RIMS2: variants seen among roughly 807,000 people sequenced by gnomAD.
RIMS2 encodes regulating synaptic membrane exocytosis 2.
RIMS2 carries 59 observed loss-of-function variants against 174.4 expected under a neutral mutation model. The ratio of observed to expected loss-of-function variants is 0.34; its 90% CI spans 0.27 to 0.42. The LOEUF is 0.42. RIMS2 is among the 10% of genes least tolerant of loss of function. The pLI is 1.00. For synonymous variants in RIMS2, 606 were observed against 572.5 expected, an observed-to-expected ratio of 1.06 and a Z score of -0.84; for missense variants, 1,620 against 1,666.3, an observed-to-expected ratio of 0.97 and a Z score of 0.48.
chr8:103,876,140 G>T lies in RIMS2; in HGVS notation c.699-9158G>T, dbSNP rs1479105026. On this transcript the variant is annotated intron_variant, in intron 3 of 23. Coordinates refer to ENST00000504942, the Ensembl canonical transcript of RIMS2. ...AGTCTTATTTATTTTTGCTTCTGTTGCCTTTGCTTTTGGGATAATAGTCAT... is the reference window on the plus strand; with the variant it reads ...AGTCTTATTTATTTTTGCTTCTGTTTCCTTTGCTTTTGGGATAATAGTCAT... Among the ~76,000 whole-genome samples, 3 of 151,972 alleles carry T rather than the reference G, an allele frequency of 2.0e-5. No homozygotes were observed. The South Asian group carries it at 6.2e-4, about 32-fold the overall frequency.
intron 11 of RIMS2, among the ~76,000 whole-genome samples, chr8:103,928,594 T>C (rs2079236593): frequency 6.6e-6 from 1 of 151,330 alleles, no homozygotes; most frequent in African/African-American, 2.4e-5. Flanking sequence ...CTCTCCTTGC[T>C]TTGCTGCATG....
chr8:103,857,808 T>C (rs954494770), intron 3 of RIMS2, among the ~76,000 whole-genome samples: 1 of 152,236 alleles, frequency 6.6e-6, no homozygotes, highest in Non-Finnish European at 1.5e-5. Context: ...TTTATTCCTC[T>C]ACGCTACATT....
rs780920782 is a variant in RIMS2, at chr8:103,885,523, T to C, written c.924T>C (p.Ile308=). The C allele has an allele frequency of 3.1e-6, 5 of 1,612,058 alleles. No homozygotes were observed. The East Asian group carries it at 1.1e-4, about 36-fold the overall frequency. The change falls in exon 4 of 24, where the codon ATT becomes ATC. Residue 308 remains isoleucine (I), a synonymous_variant. Coordinates refer to ENST00000504942, the Ensembl canonical transcript of RIMS2. The stretch of plus-strand genomic sequence containing the variant: ...GTCATAGGCATTCCAAAGAATATAT[T>C]GTAGATGATGAGGATGTGGAAAGCA...
At chr8:104,156,870 T>C (rs2098727616) in intron 19 of RIMS2, among the ~76,000 whole-genome samples, 1 of 152,214 alleles carries the variant, frequency 6.6e-6, no homozygotes, top group African/African-American at 2.4e-5. Flanking sequence ...TGACTTGATG[T>C]ATGCCCTATT....
intron 19 of RIMS2, among the ~76,000 whole-genome samples, chr8:104,032,939 A>G (rs902822972): frequency 1.2e-4 from 18 of 152,112 alleles, no homozygotes; most frequent in Non-Finnish European, 1.9e-4. Context: ...ATGTCTGTGA[A>G]AATACATAAT....
At chr8:103,918,614 T>C (rs781769677) in intron 9 of RIMS2, 127 bp downstream of exon 12, 3 of 694,914 alleles carry the variant, frequency 4.3e-6, no homozygotes, top group Non-Finnish European at 7.6e-6. Context: ...TGTAAGCATA[T>C]AAAGATGGAA....
intron 2 of RIMS2, among the ~76,000 whole-genome samples, chr8:103,717,625 G>T (rs918678128): frequency 6.6e-6 from 1 of 152,150 alleles, no homozygotes; most frequent in Non-Finnish European, 1.5e-5. Context: ...TGAGGCACTT[G>T]ATGATAAAAC....
intron 1 of RIMS2, among the ~76,000 whole-genome samples, chr8:103,610,924 T>G (rs976538281): frequency 3.9e-5 from 6 of 152,220 alleles, no homozygotes; most frequent in African/African-American, 1.4e-4. Flanking sequence ...ATACATCTGG[T>G]AGAATTCAGG....
chr8:103,725,254 T>G (rs555590776), intron 2 of RIMS2, among the ~76,000 whole-genome samples: 3 of 152,262 alleles, frequency 2.0e-5, no homozygotes, highest in Admixed American at 1.3e-4. Context: ...TTGTACATAA[T>G]AAGATGCACA....
Position 104,198,729 on chromosome 8 carries a change from A to G in RIMS2, c.3335-46187A>G, listed in dbSNP as rs567698295. Among the ~76,000 whole-genome samples the G allele has an allele frequency of 4.6e-5, 7 of 152,326 alleles. No individual in the cohort carries two copies. In the East Asian group the frequency reaches 1.4e-3, roughly 29 times the overall value. On this transcript the variant is annotated intron_variant, in intron 19 of 23. Coordinates refer to ENST00000504942, the Ensembl canonical transcript of RIMS2. ...TCAGTTCTCCTAGGATCCCATCCTC[A>G]GGCTCTGGAGTGAGTGGAGTATCCC...
chr8:104,223,588 C>A, intron 19 of RIMS2: 1 of 1,494,242 alleles, frequency 6.7e-7, no homozygotes, highest in South Asian at 1.3e-5. Context: ...GCTGCGGACG[C>A]TGCGCCCCAG....
Position 103,878,422 on chromosome 8 carries a change from A to G in RIMS2, c.699-6876A>G, listed in dbSNP as rs542296332. On this transcript the variant is annotated intron_variant, in intron 3 of 23. Transcript: ENST00000504942. ...TCCTTTCATGCCTGGAATGGAACCTACTTGATTGTGGTGAGTTATCTTCTT... is the reference window on the plus strand; with the variant it reads ...TCCTTTCATGCCTGGAATGGAACCTGCTTGATTGTGGTGAGTTATCTTCTT... Among the ~76,000 whole-genome samples, 5 of 151,970 alleles carry G rather than the reference A, an allele frequency of 3.3e-5. No homozygotes were observed. The South Asian group carries it at 1.0e-3, about 32-fold the overall frequency.
At chr8:103,817,439 A>T (rs1003858884) in intron 3 of RIMS2, among the ~76,000 whole-genome samples, 4 of 152,208 alleles carry the variant, frequency 2.6e-5, no homozygotes, top group African/African-American at 9.6e-5. Context: ...GCAACAGGAA[A>T]ATCAAAATAT....
chr8:103,625,623 A>G (rs772394874), intron 1 of RIMS2, among the ~76,000 whole-genome samples: 1 of 152,176 alleles, frequency 6.6e-6, no homozygotes, highest in African/African-American at 2.4e-5. Flanking sequence ...CAAAGCTTGA[A>G]TAGTTTGAAT....
chr8:103,938,493 C>G (rs1423182505), intron 13 of RIMS2, among the ~76,000 whole-genome samples: 1 of 152,142 alleles, frequency 6.6e-6, no homozygotes, highest in Admixed American at 6.5e-5. Context: ...TCCCACGACA[C>G]ATGGGAATTG....
At chr8:103,683,370 C>G (rs186426751) in intron 1 of RIMS2, among the ~76,000 whole-genome samples, 258 of 152,238 alleles carry the variant, frequency 1.7e-3, no homozygotes, top group Non-Finnish European at 3.0e-3. Flanking sequence ...ACAACTCACT[C>G]TTGTGAGAAC....
chr8:103,700,581 G>C (rs1463300677), intron 2 of RIMS2, among the ~76,000 whole-genome samples: 1 of 151,860 alleles, frequency 6.6e-6, no homozygotes. Flanking sequence ...TATTCAACCT[G>C]ACAGTCTCTT....
rs1296839743 is a variant in RIMS2 at position 103,623,609 on chromosome 8, C to T, written c.177-73477C>T. Among the ~76,000 whole-genome samples, 7 of 150,796 alleles carry T rather than the reference C, an allele frequency of 4.6e-5. No homozygotes were observed. In the East Asian group the frequency reaches 9.8e-4, roughly 21 times the overall value. The stretch of plus-strand genomic sequence containing the variant: ...ACGCCATTCTCCTGCCTCAGCCTCC[C>T]GAGTAGCTGGGACTACAGGCGCCCG... On this transcript the variant is annotated intron_variant, in intron 1 of 23. Coordinates refer to ENST00000504942, the Ensembl canonical transcript of RIMS2.
rs2095408785 is a variant in RIMS2 at position 104,001,969 on chromosome 8, C to T, written c.3045-11473C>T. On this transcript the variant is annotated intron_variant, in intron 17 of 23. Coordinates refer to ENST00000504942, the Ensembl canonical transcript of RIMS2. ...GTCTTCCTAAACTTCACAGTTCCTG[C>T]CATCAAGCCTGAGTAATGTCAGCAT... 2.0e-5 allele frequency among the ~76,000 whole-genome samples: 3 copies of T among 152,022 alleles called. No individual in the cohort carries two copies. In the South Asian group the frequency reaches 6.2e-4, roughly 31 times the overall value.
Sources: gnomAD v4.1 joint callset for allele counts (sites outside exome capture counted in the v4.1 genomes callset) on GRCh38, gnomAD v4.1.1 for gene constraint, MANE v1.5 for transcripts, NCBI Gene and HGNC (gene_info 2026-07-23, HGNC 2026-07-21) for gene names.